Variants in GK5 observed in about 807,000 individuals in gnomAD.
GK5 encodes ATP:glycerol 3-phosphotransferase 5.
A neutral mutation model predicts 77.3 loss-of-function variants in GK5; 39 were observed. The observed-to-expected ratio is 0.50, with a 90% CI of 0.39 to 0.66. The LOEUF (loss-of-function observed/expected upper bound fraction) is 0.66. Ranked by LOEUF, GK5 falls within the 30% of genes least tolerant of loss-of-function variation. GK5 has a pLI of 0.00. For missense variants in GK5, 487 were observed against 633.8 expected (o/e 0.77, Z 2.49); for synonymous variants, 211 against 208.0 (o/e 1.01, Z -0.13).
chr3:142,171,312 T>C (rs927449507), intron 14 of GK5, 107 bp downstream of exon 14: 3 of 1,008,094 alleles, frequency 3.0e-6, no homozygotes, highest in Admixed American at 3.9e-5. Flanking sequence ...TCAATAATCA[T>C]AAAGATGAAT....
chr3:142,208,396 C>T (rs767668556), intron 3 of GK5, among the ~76,000 whole-genome samples: 1 of 152,116 alleles, frequency 6.6e-6, no homozygotes, highest in Non-Finnish European at 1.5e-5. Context: ...CTGTTTTCTT[C>T]TAAGAGTTTT....
chr3:142,186,271 A>G lies in GK5; in HGVS notation c.682-4T>C, dbSNP rs777061044. 8.2e-6 allele frequency: 13 copies of G among 1,589,586 alleles called. No individual in the cohort carries two copies. In the South Asian group the frequency reaches 1.4e-4, roughly 18 times the overall value. ...TAATCATCCCACTCCAACACATCTG[A>G]GCATAAAAACGTATCATCAGAATAT... is the stretch of plus-strand genomic sequence containing the variant. On this transcript the variant is annotated splice_polypyrimidine_tract_variant and splice_region_variant and intron_variant, in intron 7 of 15. Coordinates refer to ENST00000392993, the MANE Select transcript of GK5 (RefSeq NM_001039547.3).
At chr3:142,189,498 T>C (rs989012828) in intron 5 of GK5, among the ~76,000 whole-genome samples, 3 of 152,196 alleles carry the variant, frequency 2.0e-5, no homozygotes, top group Non-Finnish European at 4.4e-5. Context: ...CAGATACAAC[T>C]TTTTTTAATA....
chr3:142,175,642 T>C (rs1244588687), intron 12 of GK5, among the ~76,000 whole-genome samples: 7 of 152,070 alleles, frequency 4.6e-5, no homozygotes, highest in African/African-American at 1.2e-4. Flanking sequence ...AAGTTTCATT[T>C]TACACAGGGA....
At chr3:142,182,181 A>G (rs1447135391) in intron 10 of GK5, among the ~76,000 whole-genome samples, 1 of 152,194 alleles carries the variant, frequency 6.6e-6, no homozygotes, top group Non-Finnish European at 1.5e-5. Flanking sequence ...TCTATAATCT[A>G]GATTTCTTGG....
intron 1 of GK5, among the ~76,000 whole-genome samples, chr3:142,224,053 C>T (rs1473402415): frequency 6.6e-6 from 1 of 152,066 alleles, no homozygotes; most frequent in Non-Finnish European, 1.5e-5. Context: ...CTGATGGCTC[C>T]GGCCCTCCCT....
At chr3:142,212,193 T>G (rs1418145719) in intron 3 of GK5, among the ~76,000 whole-genome samples, 4 of 152,038 alleles carry the variant, frequency 2.6e-5, no homozygotes, top group South Asian at 2.1e-4. Flanking sequence ...AAACACATTT[T>G]ACAGTGGTGT....
intron 5 of GK5, among the ~76,000 whole-genome samples, chr3:142,188,682 C>T (rs1298949918): frequency 1.3e-5 from 2 of 152,230 alleles, no homozygotes; most frequent in African/African-American, 2.4e-5. Flanking sequence ...TTTTGTGACA[C>T]ATGAAAATTA....
chr3:142,219,277 G>A (rs1031079850), intron 1 of GK5, among the ~76,000 whole-genome samples: 1 of 152,130 alleles, frequency 6.6e-6, no homozygotes, highest in African/African-American at 2.4e-5. Context: ...CTTAAAATCT[G>A]TACACTAATG....
At chr3:142,207,728 C>G (rs1332335293) in intron 3 of GK5, among the ~76,000 whole-genome samples, 1 of 152,170 alleles carries the variant, frequency 6.6e-6, no homozygotes, top group Non-Finnish European at 1.5e-5. Context: ...CGGTGACCCC[C>G]CTGGACCCAG....
intron 5 of GK5, among the ~76,000 whole-genome samples, chr3:142,197,037 A>G (rs181350379): frequency 6.6e-6 from 1 of 152,234 alleles, no homozygotes; most frequent in Non-Finnish European, 1.5e-5. Flanking sequence ...CATACAAAAA[A>G]TTAGCCAGGT....
At chr3:142,175,646 A>G (rs918490379) in intron 12 of GK5, among the ~76,000 whole-genome samples, 1 of 152,048 alleles carries the variant, frequency 6.6e-6, no homozygotes, top group Non-Finnish European at 1.5e-5. Flanking sequence ...TTCATTTTAC[A>G]CAGGGAAATA....
chr3:142,175,634 G>A (rs1436922600), intron 12 of GK5, among the ~76,000 whole-genome samples: 2 of 151,878 alleles, frequency 1.3e-5, no homozygotes, highest in Admixed American at 1.3e-4. Flanking sequence ...TCCAGTTAAA[G>A]TTTCATTTTA....
At position 142,215,597 on chromosome 3, in the gene GK5, A is replaced by C; in HGVS notation, c.241+2T>G. On this transcript the variant is annotated splice_donor_variant, in intron 2 of 15. Transcript: ENST00000392993. LOFTEE classifies it high-confidence loss of function. ...TATTGTTATTTTTATAAATCCAATT[A>C]CCTTTGACTGCTTCTTTTATTACGG... is the stretch of plus-strand genomic sequence containing the variant. The C allele has an allele frequency of 6.8e-7, 1 of 1,473,480 alleles. No individual in the cohort carries two copies. The highest frequency in any genetic ancestry group is 9.4e-7 in the Non-Finnish European group (1 of 1,060,804). 91.3% of individuals were successfully genotyped at this position (1,473,480 alleles called of 1,614,324 possible). A position where few individuals can be genotyped will look rare whatever the true frequency, so the allele number is the denominator to read the frequency against.
chr3:142,225,386 G>C lies in GK5; in HGVS notation c.70C>G (p.Leu24Val), dbSNP rs1343044808. 6.3e-7 allele frequency: 1 copy of C among 1,595,822 alleles called. No individual in the cohort carries two copies. Among genetic ancestry groups the C allele is most frequent in the South Asian group, 1.1e-5 (1 of 87,606 alleles). The change falls in exon 1 of 16, where the codon CTG becomes GTG. Residue 24 changes from leucine (L) to valine (V), a missense_variant. Around this residue, in one of 4 missense-constraint regions of GK5, gnomAD observed 97 missense variants for 86.9 expected, o/e 1.12. Transcript: ENST00000392993. ...CGGATCACAGAACTGCCCACATCCA[G>C]CCCCAGCACGAAGCCGGGGTACCGC... ...EPRYPGFVLG[L>V]DVGSSVIRCH...
intron 1 of GK5, among the ~76,000 whole-genome samples, chr3:142,220,352 GTCTTGATC>G (rs2064325249): frequency 6.6e-6 from 1 of 152,130 alleles, no homozygotes; most frequent in South Asian, 2.1e-4. Flanking sequence ...AGCCAGGATG[GTCTTGATC>G]TCTTAACCTC....
chr3:142,223,945 G>A (rs2064393049), intron 1 of GK5, among the ~76,000 whole-genome samples: 1 of 152,232 alleles, frequency 6.6e-6, no homozygotes, highest in South Asian at 2.1e-4. Flanking sequence ...TTGCTCCTGG[G>A]CAAGTGCTAC....
chr3:142,225,132 G>A (rs555389794), intron 1 of GK5, among the ~76,000 whole-genome samples, 177 bp downstream of exon 1: 2 of 152,240 alleles, frequency 1.3e-5, no homozygotes, highest in Admixed American at 6.5e-5. Flanking sequence ...AGACGAGGGA[G>A]GGAACGCGAA....
intron 12 of GK5, among the ~76,000 whole-genome samples, chr3:142,177,241 C>T (rs1208476979): frequency 1.3e-5 from 2 of 152,144 alleles, no homozygotes; most frequent in Non-Finnish European, 2.9e-5. Context: ...CAGTTCTAAG[C>T]AGAAGTCAGC....
Sources: allele counts gnomAD v4.1 joint callset (sites outside exome capture counted in the v4.1 genomes callset), GRCh38; gene constraint gnomAD v4.1.1; regional missense constraint gnomAD v4.1.1; transcripts MANE v1.5; gene names NCBI Gene and HGNC (gene_info 2026-07-23, HGNC 2026-07-21).